The following CPQ variants were observed in gnomAD, a reference collection of about 807,000 sequenced individuals.
CPQ encodes the protein carboxypeptidase Q.
In CPQ, 37 loss-of-function variants were observed where a neutral mutation model predicts 45.7. That is an observed-to-expected ratio of 0.81 (90% confidence interval 0.62 to 1.07). The LOEUF (loss-of-function observed/expected upper bound fraction) is 1.07. Ranked by LOEUF, CPQ falls within the 50% of genes least tolerant of loss-of-function variation. The pLI is 0.00. For missense variants in CPQ, 537 were observed against 572.9 expected (o/e 0.94, Z 0.64); for synonymous variants, 186 against 205.8 (o/e 0.90, Z 0.82).
At chr8:96,845,636 C>T (rs910097754) in intron 3 of CPQ, among the ~76,000 whole-genome samples, 1 of 152,048 alleles carries the variant, frequency 6.6e-6, no homozygotes, top group African/African-American at 2.4e-5. Context: ...ACACAAGGCA[C>T]AATGCCTGTC....
At chr8:97,066,300 T>C (rs4415281) in intron 7 of CPQ, 90 bp downstream of exon 7, 1 of 1,167,896 alleles carries the variant, frequency 8.6e-7, no homozygotes, top group African/African-American at 1.6e-5. Context: ...TGAATACTAG[T>C]AGGCCAGGTT....
chr8:96,953,693 T>C (rs1317302262), intron 4 of CPQ, among the ~76,000 whole-genome samples: 1 of 152,156 alleles, frequency 6.6e-6, no homozygotes, highest in Non-Finnish European at 1.5e-5. Context: ...ATCAACAGCA[T>C]TATTTTATTT....
rs1563513693 is a variant in CPQ, at chr8:96,854,555, A to AAAAAC, written c.641+19379_641+19380insCAAAA. On this transcript the variant is annotated intron_variant, in intron 3 of 7. Coordinates refer to ENST00000220763, the MANE Select transcript of CPQ (RefSeq NM_016134.4). ...CAAAAAAAAAAAAAAAAAAAAAAAAAAAAATGTGGTGGAACTAAAAGCCCA... is the reference window on the plus strand; with the variant it reads ...CAAAAAAAAAAAAAAAAAAAAAAAAAAAAACAAAATGTGGTGGAACTAAAAGCCCA... Among the ~76,000 whole-genome samples, 12 of 56,480 alleles carry AAAAAC rather than the reference A, an allele frequency of 2.1e-4. 3 individuals carry two copies. The highest frequency in any genetic ancestry group is 2.6e-4 in the Non-Finnish European group (6 of 22,788). The allele number at this position is 56,480 out of a possible 152,430, so 37.1% of individuals were successfully genotyped here.
At chr8:96,789,452 T>C (rs988604522) in intron 2 of CPQ, among the ~76,000 whole-genome samples, 1 of 152,198 alleles carries the variant, frequency 6.6e-6, no homozygotes, top group African/African-American at 2.4e-5. Context: ...TTCTTTTGGC[T>C]GGGTTCCCTA....
intron 3 of CPQ, among the ~76,000 whole-genome samples, chr8:96,840,825 G>C (rs1328013307): frequency 6.6e-6 from 1 of 152,124 alleles, no homozygotes. Flanking sequence ...TAAAATCTAT[G>C]GGATGAATCT....
At chr8:96,978,276 A>G (rs1813823543) in intron 5 of CPQ, among the ~76,000 whole-genome samples, 1 of 152,202 alleles carries the variant, frequency 6.6e-6, no homozygotes, top group South Asian at 2.1e-4. Context: ...TCATCAGTTT[A>G]CATAGACATT....
chr8:96,824,594 A>T (rs951337294), intron 2 of CPQ, among the ~76,000 whole-genome samples: 1 of 152,038 alleles, frequency 6.6e-6, no homozygotes, highest in Admixed American at 6.6e-5. Context: ...TAGATAGAAT[A>T]GTGGTTTTAA....
Position 96,731,339 on chromosome 8 carries a change from A to G in CPQ, c.-34-53525A>G, listed in dbSNP as rs1262151770. On this transcript the variant is annotated intron_variant, in intron 1 of 7. Coordinates refer to ENST00000220763, the MANE Select transcript of CPQ (RefSeq NM_016134.4). The stretch of plus-strand genomic sequence containing the variant: ...ACTGTCAGTAGAGATTAGTTCCTTC[A>G]GTAGTTCAGGCTTTCCTCCAGGCTA... 2.6e-5 allele frequency among the ~76,000 whole-genome samples: 4 copies of G among 152,286 alleles called. No homozygotes were observed. The East Asian group carries it at 7.7e-4, about 29-fold the overall frequency.
intron 6 of CPQ, among the ~76,000 whole-genome samples, chr8:97,038,588 T>C (rs1196728596): frequency 5.3e-5 from 8 of 152,132 alleles, no homozygotes; most frequent in Admixed American, 5.2e-4. Context: ...CCTTACTAAG[T>C]TACAGAGTCA....
At chr8:96,731,712 G>A (rs749078830) in intron 1 of CPQ, among the ~76,000 whole-genome samples, 6 of 152,166 alleles carry the variant, frequency 3.9e-5, no homozygotes, top group Admixed American at 2.6e-4. Context: ...CATAGTGGAA[G>A]GGCTGGGGGT....
In CPQ at chr8:96,961,729, T is replaced by C. The variant is rs560895051; in HGVS notation, c.850-4206T>C. 5.9e-5 allele frequency among the ~76,000 whole-genome samples: 9 copies of C among 152,332 alleles called. No individual in the cohort carries two copies. In the East Asian group the frequency reaches 7.7e-4, roughly 13 times the overall value. Reference sequence around the variant, plus strand: ...CAATTAAGGCTAGAATATTTGCTTGTTTTACTCATTTCGGTATCTCTAGCA... The same window carrying C: ...CAATTAAGGCTAGAATATTTGCTTGCTTTACTCATTTCGGTATCTCTAGCA... On this transcript the variant is annotated intron_variant, in intron 4 of 7. Coordinates refer to ENST00000220763, the MANE Select transcript of CPQ (RefSeq NM_016134.4).
At chr8:97,047,046 CCAAA>C (rs1810271017) in intron 6 of CPQ, among the ~76,000 whole-genome samples, 1 of 151,520 alleles carries the variant, frequency 6.6e-6, no homozygotes, top group African/African-American at 2.4e-5. Context: ...GTCCCATTTC[CCAAA>C]CAAATATGTA....
intron 4 of CPQ, among the ~76,000 whole-genome samples, chr8:96,884,857 G>T (rs1037156622): frequency 2.0e-5 from 3 of 152,080 alleles, no homozygotes; most frequent in South Asian, 4.1e-4. Context: ...TTGCTACTTT[G>T]CTCCATAGCA....
chr8:96,927,118 C>T (rs1812903095), intron 4 of CPQ, among the ~76,000 whole-genome samples: 1 of 152,180 alleles, frequency 6.6e-6, no homozygotes, highest in African/African-American at 2.4e-5. Flanking sequence ...TTAAATATGA[C>T]ATACTTTCAT....
chr8:96,841,205 C>T (rs556165058), intron 3 of CPQ, among the ~76,000 whole-genome samples: 5 of 152,008 alleles, frequency 3.3e-5, no homozygotes, highest in African/African-American at 7.2e-5. Flanking sequence ...ATTTTGAGTC[C>T]GAGGCAACTG....
intron 1 of CPQ, among the ~76,000 whole-genome samples, chr8:96,784,180 T>C (rs951038375): frequency 6.6e-6 from 1 of 152,092 alleles, no homozygotes; most frequent in African/African-American, 2.4e-5. Context: ...CCTGTTATTG[T>C]TATTATTATT....
intron 4 of CPQ, among the ~76,000 whole-genome samples, chr8:96,964,502 T>A (rs1364027966): frequency 6.6e-6 from 1 of 152,176 alleles, no homozygotes; most frequent in Non-Finnish European, 1.5e-5. Context: ...ATATCTTTCT[T>A]TGTGAATTGT....
chr8:96,798,029 C>T (rs534690264), intron 2 of CPQ, among the ~76,000 whole-genome samples: 46 of 150,544 alleles, frequency 3.1e-4, no homozygotes, highest in Middle Eastern at 3.4e-3. Flanking sequence ...CCAGCCTGGG[C>T]GGCAGAGCAA....
At chr8:97,008,012 T>G (rs1809416077) in intron 5 of CPQ, among the ~76,000 whole-genome samples, 1 of 152,144 alleles carries the variant, frequency 6.6e-6, no homozygotes, top group Non-Finnish European at 1.5e-5. Context: ...AATGAATAAA[T>G]CAACATGCTT....
Sources: allele counts gnomAD v4.1 joint callset (sites outside exome capture counted in the v4.1 genomes callset), GRCh38; gene constraint gnomAD v4.1.1; transcripts MANE v1.5; gene names NCBI Gene and HGNC (gene_info 2026-07-23, HGNC 2026-07-21).